The following C1R variants were observed in gnomAD, a reference collection of about 807,000 sequenced individuals.
C1R encodes complement C1r subcomponent.
Under a neutral mutation model 27.6 loss-of-function variants are expected in C1R, and 15 were observed. That is an observed-to-expected ratio of 0.54 (90% CI 0.36 to 0.84). The LOEUF is 0.84. C1R is among the 40% of genes least tolerant of loss of function. The pLI, the probability that C1R is intolerant of heterozygous loss-of-function variation, is 0.01. For missense variants in C1R, 544 were observed against 577.9 expected (o/e 0.94, Z 0.60); for synonymous variants, 253 against 228.8 (o/e 1.11, Z -0.95).
intron 9 of C1R, among the ~76,000 whole-genome samples, chr12:7,084,680 A>G (rs1472826354): frequency 3.7e-4 from 22 of 59,674 alleles, no homozygotes; most frequent in African/African-American, 7.1e-4. Context: ...TAATGGTGAT[A>G]GTGGTGATGG....
At chr12:7,089,248 G>T (rs35996631) in intron 5 of C1R, 45 bp downstream of exon 5, 2 of 764,660 alleles carry the variant, frequency 2.6e-6, no homozygotes, top group Admixed American at 1.8e-5. Flanking sequence ...GCCAAGTGCA[G>T]ACAGAAGGGG....
At position 7,088,989 on chromosome 12, in the gene C1R, A is replaced by G. The variant is rs111259322; in HGVS notation, c.769-3T>C. On this transcript the variant is annotated splice_region_variant and splice_polypyrimidine_tract_variant and intron_variant, in intron 5 of 10. Coordinates refer to ENST00000647956, the MANE Select transcript of C1R (RefSeq NM_001733.7). ...ATGTTCTTCCCGTTGGCATAGATCT[A>G]GTAGGGGAGGAGGGTTTTTTTTTTT... 1.4e-6 allele frequency: 1 copy of G among 717,558 alleles called. No homozygotes were observed. Among genetic ancestry groups the G allele is most frequent in the Non-Finnish European group, 2.5e-6 (1 of 392,330 alleles). 44.4% of individuals were successfully genotyped at this position (717,558 alleles called of 1,614,324 possible). A position where few individuals can be genotyped will look rare whatever the true frequency, so the allele number is the denominator to read the frequency against.
intron 5 of C1R, 73 bp from the exon 6 acceptor site, chr12:7,089,059 TG>T: frequency 1.5e-6 from 1 of 652,988 alleles, no homozygotes. Context: ...AGTAGCCTGG[TG>T]GCCAGGGTGG....
chr12:7,081,363 G>A, intron 10 of C1R, 62 bp from the exon 11 acceptor site: 1 of 1,472,144 alleles, frequency 6.8e-7, no homozygotes, highest in South Asian at 1.2e-5. Context: ...TCTTCCTTCT[G>A]CAGCCAGCCA....
chr12:7,088,217 G>A (rs1938185270), intron 7 of C1R, among the ~76,000 whole-genome samples: 1 of 152,170 alleles, frequency 6.6e-6, no homozygotes, highest in Admixed American at 6.5e-5. Context: ...AAACTTGGCT[G>A]TGCATTAGAA....
chr12:7,081,237 C>T lies in C1R; in HGVS notation c.1413G>A (p.Lys471=), dbSNP rs28448611. 1 of 1,613,116 alleles carries T rather than the reference C, an allele frequency of 6.2e-7. No homozygotes were observed. The highest frequency in any genetic ancestry group is 1.7e-5 in the Admixed American group (1 of 59,844). The stretch of plus-strand genomic sequence containing the variant: ...ACACCTGCCAGGGGAAGTTGCCCAT[C>T]TTGGCTTTTTGCCCTCCGATGATGC... ...RQRIIGGQKA[K]MGNFPWQVFT... The change falls in exon 11 of 11, where the codon AAG becomes AAA. Residue 471 remains lysine (K), a synonymous_variant. Coordinates refer to ENST00000647956, the MANE Select transcript of C1R (RefSeq NM_001733.7).
At position 7,080,902 on chromosome 12, in the gene C1R, G is replaced by A. The variant is rs759255819; in HGVS notation, c.1748C>T (p.Thr583Ile). 9 of 1,613,332 alleles carry A rather than the reference G, an allele frequency of 5.6e-6. No individual in the cohort carries two copies. Among genetic ancestry groups the A allele is most frequent in the Non-Finnish European group, 7.6e-6 (9 of 1,179,392 alleles). The change falls in exon 11 of 11, where the codon ACC (threonine) becomes ATC (isoleucine). Residue 583 changes from threonine to isoleucine, a missense_variant. Thr to Ile is a moderately conservative substitution (Grantham distance 89, BLOSUM62 -1). Around this residue, in one of 2 missense-constraint regions of C1R, gnomAD observed 253 missense variants for 368.9 expected, o/e 0.69. Transcript: ENST00000647956. This position sits in a 1 kb window ranked among gnomAD's most constrained non-coding sequence, Gnocchi z 4.9. ...GCCCATCAAGCCCAGGTCGTAGAAG[G>A]TATCGTTGTCAGGGAGGCAGATGGG... ...LLPICLPDND[T>I]FYDLGLMGYV...
At position 7,081,080 on chromosome 12, in the gene C1R, T is replaced by C; in HGVS notation, c.1570A>G (p.Thr524Ala). 6.2e-7 allele frequency: 1 copy of C among 1,614,038 alleles called. No individual in the cohort carries two copies. The highest frequency in any genetic ancestry group is 2.2e-5 in the East Asian group (1 of 44,890). The change falls in exon 11 of 11, where the codon ACA becomes GCA. Residue 524 changes from threonine to alanine, a missense_variant. Thr to Ala is a moderately conservative substitution (Grantham distance 58). Coordinates refer to ENST00000647956, the MANE Select transcript of C1R (RefSeq NM_001733.7). ...AGCTTCATGAGCTCTTCCACATTTG[T>C]GTGGCCCAGGAACACATCCAAAGAG... Reference protein sequence around the residue: ...NASLDVFLGHTNVEELMKLGN... With the variant: ...NASLDVFLGHANVEELMKLGN...
rs1257621769 is a variant in C1R at position 7,081,093 on chromosome 12, C to T, written c.1557G>A (p.Val519=). 1.2e-6 allele frequency: 2 copies of T among 1,613,924 alleles called. No individual in the cohort carries two copies. Among genetic ancestry groups the T allele is most frequent in the African/African-American group, 1.3e-5 (1 of 74,946 alleles). Residue 519 remains valine, a synonymous_variant, in exon 11 of 11, where the codon GTG becomes GTA. Coordinates refer to ENST00000647956, the MANE Select transcript of C1R (RefSeq NM_001733.7). The part of the protein sequence containing the change: ...HEAQSNASLD[V]FLGHTNVEEL... ...CTTCCACATTTGTGTGGCCCAGGAA[C>T]ACATCCAAAGAGGCGTTGCTTTGCG...
At chr12:7,089,937 C>G in intron 3 of C1R, 119 bp downstream of exon 3, 2 of 700,978 alleles carry the variant, frequency 2.9e-6, no homozygotes, top group Non-Finnish European at 2.7e-6. Context: ...AAAGCTCTCT[C>G]GAGGGGAGGA....
Position 7,089,732 on chromosome 12 carries a change from G to T in C1R, c.426C>A (p.Asp142Glu), listed in dbSNP as rs147288661. Residue 142 changes from aspartate to glutamate, a missense_variant and splice_region_variant, in exon 4 of 11, where the codon GAC becomes GAA. Physicochemically the swap from Asp to Glu is conservative, Grantham distance 45 (BLOSUM62 2). Around this residue, in one of 2 missense-constraint regions of C1R, gnomAD observed 291 missense variants for 209.0 expected, o/e 1.39. Transcript: ENST00000647956. ...KGFLAYYQAV[D>E]LDECASRSKS... ...TGCTCCGGGAAGCACATTCATCAAG[G>T]TCTGGAAGGCATTCAGGAAGGAGGG... The T allele has an allele frequency of 1.3e-6, 1 of 780,562 alleles. No individual in the cohort carries two copies. The highest frequency in any genetic ancestry group is 1.7e-5 in the African/African-American group (1 of 59,146). 48.4% of individuals were successfully genotyped at this position (780,562 alleles called of 1,614,324 possible).
chr12:7,090,746 G>A (rs1938256736), intron 2 of C1R, among the ~76,000 whole-genome samples: 1 of 152,144 alleles, frequency 6.6e-6, no homozygotes, highest in Non-Finnish European at 1.5e-5. Context: ...AGCAGGCACT[G>A]CCTCGTCCCT....
At chr12:7,086,156 C>T in intron 8 of C1R, 140 bp from the exon 9 acceptor site, 6 of 397,750 alleles carry the variant, frequency 1.5e-5, no homozygotes, top group Non-Finnish European at 2.2e-5. Context: ...TTGCAATGGA[C>T]AGGAGTTGGG....
intron 8 of C1R, 45 bp from the exon 9 acceptor site, chr12:7,086,061 C>T: frequency 2.5e-6 from 1 of 398,682 alleles, no homozygotes; most frequent in Non-Finnish European, 4.4e-6. Context: ...AATGACTGTG[C>T]TGGAACTTCA....
In C1R at chr12:7,089,364, G is replaced by T. The variant is rs1183822339; in HGVS notation, c.697C>A (p.His233Asn). The change falls in exon 5 of 11, where the codon CAC becomes AAC. Residue 233 changes from histidine to asparagine, a missense_variant. This residue lies in a region of C1R where 291 missense variants were observed against 209.0 expected (regional missense o/e 1.39). Coordinates refer to ENST00000647956, the MANE Select transcript of C1R (RefSeq NM_001733.7). Reference protein sequence around the residue: ...SIRVERGLTLHLKFLEPFDID... With the variant: ...SIRVERGLTLNLKFLEPFDID... The stretch of plus-strand genomic sequence containing the variant: ...TCAAAAGGCTCCAGGAACTTGAGGT[G>T]CAGGGTGAGGCCCCGCTCCACCCGG... 1.3e-6 allele frequency: 1 copy of T among 780,682 alleles called. No homozygotes were observed. Among genetic ancestry groups the T allele is most frequent in the Non-Finnish European group, 2.4e-6 (1 of 417,912 alleles). 48.4% of individuals were successfully genotyped at this position (780,682 alleles called of 1,614,324 possible). A position where few individuals can be genotyped will look rare whatever the true frequency, so the allele number is the denominator to read the frequency against.
At chr12:7,082,514 G>C (rs1938082860) in intron 9 of C1R, among the ~76,000 whole-genome samples, 1 of 152,006 alleles carries the variant, frequency 6.6e-6, no homozygotes, top group South Asian at 2.1e-4. Flanking sequence ...TGTATTTTTA[G>C]TAGAGACAGG....
chr12:7,080,398 A>C lies in C1R; in HGVS notation c.*134T>G, dbSNP rs1219236781. ...GTACATCAATGGGACTACAGGAAAG[A>C]GAATTTCACACACGGTCTTTCTGCA... On this transcript the variant is annotated 3_prime_UTR_variant, in exon 11 of 11. Transcript: ENST00000647956. The surrounding 1 kb of genome is among the most constrained non-coding windows in gnomAD (Gnocchi z 4.9). 7.0e-7 allele frequency: 1 copy of C among 1,421,884 alleles called. No homozygotes were observed. Among genetic ancestry groups the C allele is most frequent in the East Asian group, 2.5e-5 (1 of 40,558 alleles). 88.1% of individuals were successfully genotyped at this position (1,421,884 alleles called of 1,614,324 possible).
At position 7,090,057 on chromosome 12, in the gene C1R, C is replaced by T. The variant is rs754281266; in HGVS notation, c.423G>A (p.Val141=). The T allele has an allele frequency of 1.3e-6, 1 of 772,098 alleles. No homozygotes were observed. The highest frequency in any genetic ancestry group is 1.4e-5 in the South Asian group (1 of 72,738). 47.8% of individuals were successfully genotyped at this position (772,098 alleles called of 1,614,324 possible). ...YKGFLAYYQA[V]DLDECASRSK... Reference sequence around the variant, plus strand: ...AGGGATCCCTGGGGGGCTACTCACCCACAGCTTGGTAGTAGGCCAGGAAGC... The same window carrying T: ...AGGGATCCCTGGGGGGCTACTCACCTACAGCTTGGTAGTAGGCCAGGAAGC... Residue 141 remains valine, a splice_region_variant and synonymous_variant, in exon 3 of 11, where the codon GTG becomes GTA. Coordinates refer to ENST00000647956, the MANE Select transcript of C1R (RefSeq NM_001733.7).
intron 7 of C1R, chr12:7,086,669 G>A (rs1938161348): frequency 2.7e-6 from 1 of 373,584 alleles, no homozygotes. Context: ...CCACACCACA[G>A]CAAGTCAGAG....
Sources: allele counts gnomAD v4.1 joint callset (sites outside exome capture counted in the v4.1 genomes callset), GRCh38; gene constraint gnomAD v4.1.1; regional missense constraint gnomAD v4.1.1; non-coding constraint Gnocchi (gnomAD v3.1); transcripts MANE v1.5; gene names NCBI Gene and HGNC (gene_info 2026-07-23, HGNC 2026-07-21).